AP1M1: variants seen among roughly 807,000 people sequenced by gnomAD.
AP1M1 encodes AP-1 complex subunit mu-1.
AP1M1 carries 18 observed loss-of-function variants against 57.1 expected under a neutral mutation model. The observed-to-expected ratio is 0.32, with a 90% CI of 0.22 to 0.47. The LOEUF (loss-of-function observed/expected upper bound fraction) is 0.47. AP1M1 is among the 20% of genes least tolerant of loss of function. The probability of loss-of-function intolerance (pLI) is 1.00; values close to 1 mark genes in which losing one functional copy is unlikely to be tolerated. For synonymous variants in AP1M1, 241 were observed against 237.9 expected, an observed-to-expected ratio of 1.01 and a Z score of -0.12; for missense variants, 362 against 593.5, an observed-to-expected ratio of 0.61 and a Z score of 4.05.
chr19:16,197,985 CG>C lies in AP1M1; in HGVS notation c.-41del. 6.5e-7 allele frequency: 1 copy of C among 1,537,414 alleles called. No individual in the cohort carries two copies. The highest frequency in any genetic ancestry group is 2.1e-5 in the Admixed American group (1 of 48,610). On this transcript the variant is annotated 5_prime_UTR_variant, in exon 1 of 12. Transcript: ENST00000291439. The stretch of plus-strand genomic sequence containing the variant: ...CAGCAGTCCCCACCGTCGCTGCCGC[CG>C]CCACCGCCCTCGGCCGCTGCCGAGG...
Position 16,227,721 on chromosome 19 carries a change from G to C in AP1M1, c.816+31G>C. On this transcript the variant is annotated intron_variant, in intron 7 of 11. Transcript: ENST00000291439. This position sits in a 1 kb window ranked among gnomAD's most constrained non-coding sequence, Gnocchi z 6.2. ...TGCGCCACCCTGGGGCTGGGCTGTC[G>C]GCAGACTCCTCCTCCCCTTCACCTC... The C allele has an allele frequency of 6.2e-7, 1 of 1,604,062 alleles. No individual in the cohort carries two copies. The highest frequency in any genetic ancestry group is 8.5e-7 in the Non-Finnish European group (1 of 1,173,348).
In AP1M1 at chr19:16,203,913, G is replaced by A. The variant is rs936153587; in HGVS notation, c.199+298G>A. Among the ~76,000 whole-genome samples, 2 of 152,196 alleles carry A rather than the reference G, an allele frequency of 1.3e-5. No homozygotes were observed. The highest frequency in any genetic ancestry group is 2.9e-5 in the Non-Finnish European group (2 of 68,020). Reference sequence around the variant, plus strand: ...GGCCTGGCTTCTGCCAGCTGGAGGGGTGGGCAGGCACTAGGCGTGGGTGAA... The same window carrying A: ...GGCCTGGCTTCTGCCAGCTGGAGGGATGGGCAGGCACTAGGCGTGGGTGAA... On this transcript the variant is annotated intron_variant, in intron 2 of 11. Coordinates refer to ENST00000291439, the MANE Select transcript of AP1M1 (RefSeq NM_032493.4). The surrounding 1 kb of genome is among the most constrained non-coding windows in gnomAD (Gnocchi z 4.6).
At chr19:16,202,795 C>T (rs1363631735) in intron 1 of AP1M1, among the ~76,000 whole-genome samples, 1 of 152,228 alleles carries the variant, frequency 6.6e-6, no homozygotes, top group Non-Finnish European at 1.5e-5. Flanking sequence ...TTAAGATTCT[C>T]GTGCTAGTGT....
chr19:16,210,032 A>G (rs1217089007), intron 5 of AP1M1, among the ~76,000 whole-genome samples: 1 of 151,970 alleles, frequency 6.6e-6, no homozygotes, highest in East Asian at 1.9e-4. Flanking sequence ...CCATCACTGG[A>G]GTCTTCATCG....
chr19:16,233,345 G>T, intron 9 of AP1M1, 148 bp from the exon 10 acceptor site: 4 of 1,251,122 alleles, frequency 3.2e-6, no homozygotes, highest in Non-Finnish European at 4.2e-6. Flanking sequence ...GCACAGGGCC[G>T]AGCTTTGGCT....
At chr19:16,224,938 G>A (rs1198372581) in intron 5 of AP1M1, among the ~76,000 whole-genome samples, 1 of 152,048 alleles carries the variant, frequency 6.6e-6, no homozygotes, top group Non-Finnish European at 1.5e-5. Context: ...ACGGCAGCGC[G>A]CAGCCCCACG....
chr19:16,228,124 C>T lies in AP1M1; in HGVS notation c.817-13C>T. ...AGGCCAGGTGTGAGCACCCTCTTTG[C>T]CCTCCTTGGCAGGTCAAGCCTTTGA... On this transcript the variant is annotated splice_polypyrimidine_tract_variant and intron_variant, in intron 7 of 11. Transcript: ENST00000291439. The surrounding 1 kb of genome is among the most constrained non-coding windows in gnomAD (Gnocchi z 5.0). 6.2e-7 allele frequency: 1 copy of T among 1,613,596 alleles called. No homozygotes were observed. Among genetic ancestry groups the T allele is most frequent in the Non-Finnish European group, 8.5e-7 (1 of 1,179,926 alleles).
intron 5 of AP1M1, among the ~76,000 whole-genome samples, chr19:16,218,365 A>G (rs994304052): frequency 6.6e-6 from 1 of 152,166 alleles, no homozygotes; most frequent in African/African-American, 2.4e-5. Context: ...TCCCCTGCCA[A>G]CGCAGCTGGC....
At chr19:16,216,538 C>T (rs901552293) in intron 5 of AP1M1, among the ~76,000 whole-genome samples, 1 of 152,006 alleles carries the variant, frequency 6.6e-6, no homozygotes, top group East Asian at 1.9e-4. Flanking sequence ...TCCTTGTGCT[C>T]GTTCTTTCTC....
chr19:16,211,076 C>G (rs2091491265), intron 5 of AP1M1, among the ~76,000 whole-genome samples: 1 of 147,690 alleles, frequency 6.8e-6, no homozygotes, highest in African/African-American at 2.5e-5. Flanking sequence ...CAGTCTGTAG[C>G]TTATCTTTTT....
Position 16,219,049 on chromosome 19 carries a change from G to A in AP1M1, c.547-7372G>A, listed in dbSNP as rs544957819. ...CACCTTGAGGAAGTTCCCTTTTATT[G>A]CTAGTTTGCTAACAGTTTTTTTTTT... is the stretch of plus-strand genomic sequence containing the variant. On this transcript the variant is annotated intron_variant, in intron 5 of 11. Coordinates refer to ENST00000291439, the MANE Select transcript of AP1M1 (RefSeq NM_032493.4). Among the ~76,000 whole-genome samples, 3 of 145,484 alleles carry A rather than the reference G, an allele frequency of 2.1e-5. No individual in the cohort carries two copies. The South Asian group carries it at 6.7e-4, about 32-fold the overall frequency.
chr19:16,205,479 T>A (rs565727771), intron 2 of AP1M1, among the ~76,000 whole-genome samples: 2 of 152,162 alleles, frequency 1.3e-5, no homozygotes, highest in African/African-American at 4.8e-5. Flanking sequence ...TGGGCCAGCG[T>A]CCCTTTCCTG....
At position 16,234,609 on chromosome 19, in the gene AP1M1, T is replaced by A; in HGVS notation, c.*174T>A. On this transcript the variant is annotated 3_prime_UTR_variant, in exon 12 of 12. Coordinates refer to ENST00000291439, the MANE Select transcript of AP1M1 (RefSeq NM_032493.4). ...ATCTGCTCTGCCGTCGACACTCGTCTCAGAAGCCCCTTTCCCAGAAGAGGC... is the reference window on the plus strand; with the variant it reads ...ATCTGCTCTGCCGTCGACACTCGTCACAGAAGCCCCTTTCCCAGAAGAGGC... 1 of 715,184 alleles carries A rather than the reference T, an allele frequency of 1.4e-6. No individual in the cohort carries two copies. Among genetic ancestry groups the A allele is most frequent in the Non-Finnish European group, 2.3e-6 (1 of 432,710 alleles). 44.3% of individuals were successfully genotyped at this position (715,184 alleles called of 1,614,324 possible). A position where few individuals can be genotyped will look rare whatever the true frequency, so the allele number is the denominator to read the frequency against.
At chr19:16,224,110 G>T (rs914987651) in intron 5 of AP1M1, among the ~76,000 whole-genome samples, 5 of 152,226 alleles carry the variant, frequency 3.3e-5, no homozygotes, top group African/African-American at 1.2e-4. Flanking sequence ...GGAGAGTGCT[G>T]CCCAGAAAGA....
At position 16,241,437 on chromosome 19, in the gene AP1M1, A is replaced by C. The variant is rs1599471423; in HGVS notation, c.*7002A>C. 1 of 152,206 alleles carries C rather than the reference A, an allele frequency of 6.6e-6. No individual in the cohort carries two copies. The highest frequency in any genetic ancestry group is 1.5e-5 in the Non-Finnish European group (1 of 68,038). The allele number at this position is 152,206 out of a possible 1,614,324, so 9.4% of individuals were successfully genotyped here. ...GCCGGAAAACCTTAGAAACCATTGGATCTGTCTAAACTGTCATTGACTGTG... is the reference window on the plus strand; with the variant it reads ...GCCGGAAAACCTTAGAAACCATTGGCTCTGTCTAAACTGTCATTGACTGTG... On this transcript the variant is annotated 3_prime_UTR_variant, in exon 12 of 12. Coordinates refer to ENST00000291439, the MANE Select transcript of AP1M1 (RefSeq NM_032493.4).
chr19:16,209,105 C>G lies in AP1M1; in HGVS notation c.474C>G (p.Ser158=). The G allele has an allele frequency of 6.2e-7, 1 of 1,614,236 alleles. No individual in the cohort carries two copies. Among genetic ancestry groups the G allele is most frequent in the Non-Finnish European group, 8.5e-7 (1 of 1,180,042 alleles). ...CAGCCACCGTCACCAACGCGGTGTC[C>G]TGGCGGTCCGAAGGCATCAAGTATC... ...RPPATVTNAV[S]WRSEGIKYRK... is the part of the protein sequence containing the mutation. The change falls in exon 5 of 12, where the codon TCC becomes TCG. Residue 158 remains serine, a synonymous_variant. Coordinates refer to ENST00000291439, the MANE Select transcript of AP1M1 (RefSeq NM_032493.4).
At position 16,229,066 on chromosome 19, in the gene AP1M1, G is replaced by A. The variant is rs549845957; in HGVS notation, c.1047+138G>A. 5,282 of 1,015,848 alleles carry A rather than the reference G, an allele frequency of 5.2e-3. 25 individuals carry two copies. The highest frequency in any genetic ancestry group is 0.01 in the Middle Eastern group (44 of 4,266). The allele number at this position is 1,015,848 out of a possible 1,614,324, so 62.9% of individuals were successfully genotyped here. On this transcript the variant is annotated intron_variant, in intron 9 of 11. Coordinates refer to ENST00000291439, the MANE Select transcript of AP1M1 (RefSeq NM_032493.4). The stretch of plus-strand genomic sequence containing the variant: ...TTCCACACCTGGGGCTTCTGAAAGG[G>A]TGGACGGAGAGCTGAGGACTGGAGT...
intron 5 of AP1M1, among the ~76,000 whole-genome samples, chr19:16,221,827 C>G (rs2091545593): frequency 6.6e-6 from 1 of 152,168 alleles, no homozygotes; most frequent in African/African-American, 2.4e-5. Context: ...GCTGGGATTA[C>G]AGGCATTCAC....
rs1491073699 is a variant in AP1M1, at chr19:16,244,414, AAG to A, written c.*9981_*9982del. 4 of 152,254 alleles carry A rather than the reference AAG, an allele frequency of 2.6e-5. No homozygotes were observed. The highest frequency in any genetic ancestry group is 9.6e-5 in the African/African-American group (4 of 41,460). The allele number at this position is 152,254 out of a possible 1,614,324, so 9.4% of individuals were successfully genotyped here. A position where few individuals can be genotyped will look rare whatever the true frequency, so the allele number is the denominator to read the frequency against. ...CATGATGCAAGAAGAAATAAAAGCAAAGAAGTAGAAAATACATGAGAAAATCT... is the reference window on the plus strand; with the variant it reads ...CATGATGCAAGAAGAAATAAAAGCAAAAGTAGAAAATACATGAGAAAATCT... On this transcript the variant is annotated 3_prime_UTR_variant, in exon 12 of 12. Transcript: ENST00000291439.
Sources: gnomAD v4.1 joint callset for allele counts (sites outside exome capture counted in the v4.1 genomes callset) on GRCh38, gnomAD v4.1.1 for gene constraint, Gnocchi (gnomAD v3.1) non-coding constraint, MANE v1.5 for transcripts, NCBI Gene and HGNC (gene_info 2026-07-23, HGNC 2026-07-21) for gene names.